The following GRK3 variants were observed in gnomAD, a reference collection of about 807,000 sequenced individuals.
The protein encoded by GRK3 is G protein-coupled receptor kinase 3.
In GRK3, 54 loss-of-function variants were observed where a neutral mutation model predicts 95.7. That is an observed-to-expected ratio of 0.56 (90% CI 0.45 to 0.71). GRK3 has a LOEUF of 0.71. Ranked by LOEUF, GRK3 falls within the 30% of genes least tolerant of loss-of-function variation. The pLI, the probability that GRK3 is intolerant of heterozygous loss-of-function variation, is 0.00. For missense variants in GRK3, 649 were observed against 851.2 expected (o/e 0.76, Z 2.96); for synonymous variants, 281 against 290.8 (o/e 0.97, Z 0.34).
At chr22:25,622,840 A>G (rs2084596824) in intron 2 of GRK3, among the ~76,000 whole-genome samples, 2 of 152,218 alleles carry the variant, frequency 1.3e-5, no homozygotes, top group South Asian at 2.1e-4. Flanking sequence ...CTGAATAGGG[A>G]AGAGAAGACT....
chr22:25,641,283 A>G (rs2084740694), intron 2 of GRK3, among the ~76,000 whole-genome samples: 1 of 151,956 alleles, frequency 6.6e-6, no homozygotes, highest in Non-Finnish European at 1.5e-5. Flanking sequence ...TCATTCATTC[A>G]ACTCCCTCTT....
intron 13 of GRK3, among the ~76,000 whole-genome samples, chr22:25,696,280 G>A (rs1032386291): frequency 6.6e-6 from 1 of 152,068 alleles, no homozygotes; most frequent in Non-Finnish European, 1.5e-5. Flanking sequence ...ACACCTAGCC[G>A]GTAAACCCAT....
At chr22:25,622,699 G>T (rs1244409668) in intron 2 of GRK3, among the ~76,000 whole-genome samples, 1 of 152,198 alleles carries the variant, frequency 6.6e-6, no homozygotes, top group African/African-American at 2.4e-5. Flanking sequence ...ATCAGAGTGG[G>T]AGCATGGAAA....
At chr22:25,703,485 A>G (rs2085274077) in intron 13 of GRK3, 25 bp from the exon 14 acceptor site, 1 of 1,588,504 alleles carries the variant, frequency 6.3e-7, no homozygotes, top group Non-Finnish European at 8.6e-7. Flanking sequence ...CCATATTTTG[A>G]TAGAACAATT....
chr22:25,721,450 A>T lies in GRK3; in HGVS notation c.1905+53A>T, dbSNP rs551448207. On this transcript the variant is annotated intron_variant, in intron 20 of 20. Coordinates refer to ENST00000324198, the MANE Select transcript of GRK3 (RefSeq NM_005160.4). Reference sequence around the variant, plus strand: ...TGTTAGAATAATTAAATATTCAGCAAAGTTGACTGCCTGTCTATAAAACAT... The same window carrying T: ...TGTTAGAATAATTAAATATTCAGCATAGTTGACTGCCTGTCTATAAAACAT... The T allele has an allele frequency of 2.9e-3, 2,941 of 1,005,438 alleles. 50 individuals are homozygous for T. Among genetic ancestry groups the T allele is most frequent in the South Asian group, 0.026 (1,827 of 70,444 alleles). 62.3% of individuals were successfully genotyped at this position (1,005,438 alleles called of 1,614,324 possible). A position where few individuals can be genotyped will look rare whatever the true frequency, so the allele number is the denominator to read the frequency against.
chr22:25,612,225 A>G (rs1328557012), intron 2 of GRK3, among the ~76,000 whole-genome samples: 1 of 152,088 alleles, frequency 6.6e-6, no homozygotes. Flanking sequence ...TAGCTCTTAT[A>G]TCTTGGTCTG....
intron 14 of GRK3, among the ~76,000 whole-genome samples, chr22:25,703,872 A>G (rs575998043): frequency 6.6e-6 from 1 of 152,320 alleles, no homozygotes; most frequent in Admixed American, 6.5e-5. Context: ...AAAAGGAGAA[A>G]TTACTGAGAT....
At chr22:25,600,228 C>T (rs374216974) in intron 1 of GRK3, among the ~76,000 whole-genome samples, 8 of 150,628 alleles carry the variant, frequency 5.3e-5, no homozygotes, top group African/African-American at 1.5e-4. Flanking sequence ...CTCACTGCAA[C>T]GTCCGCCTCC....
intron 2 of GRK3, among the ~76,000 whole-genome samples, chr22:25,615,009 T>G (rs535741518): frequency 6.6e-6 from 1 of 152,266 alleles, no homozygotes; most frequent in East Asian, 1.9e-4. Context: ...ACTGAACAGT[T>G]GTTAAGTGTG....
rs1305011987 is a variant in GRK3, at chr22:25,728,695, C to T, written c.*6245C>T. On this transcript the variant is annotated 3_prime_UTR_variant, in exon 21 of 21. Coordinates refer to ENST00000324198, the MANE Select transcript of GRK3 (RefSeq NM_005160.4). ...AGAAACACTGCTTTTAAGAGTAGCA[C>T]ATTTGAGTGTGACTTTTTCCCCCCT... 6.6e-6 allele frequency: 1 copy of T among 152,176 alleles called. No individual in the cohort carries two copies. Among genetic ancestry groups the T allele is most frequent in the African/African-American group, 2.4e-5 (1 of 41,430 alleles). 9.4% of individuals were successfully genotyped at this position (152,176 alleles called of 1,614,324 possible). A position where few individuals can be genotyped will look rare whatever the true frequency, so the allele number is the denominator to read the frequency against.
intron 10 of GRK3, among the ~76,000 whole-genome samples, 181 bp downstream of exon 10, chr22:25,685,429 T>G (rs986313170): frequency 1.3e-5 from 2 of 152,232 alleles, no homozygotes; most frequent in African/African-American, 4.8e-5. Flanking sequence ...CAATGTTGAC[T>G]GCAACGTCCT....
intron 1 of GRK3, among the ~76,000 whole-genome samples, chr22:25,571,675 A>G (rs1364239502): frequency 6.6e-6 from 1 of 151,922 alleles, no homozygotes; most frequent in African/African-American, 2.4e-5. Flanking sequence ...GGGAGGAGGG[A>G]GTGGGTTTGG....
At chr22:25,588,684 G>A (rs1191261904) in intron 1 of GRK3, among the ~76,000 whole-genome samples, 1 of 152,058 alleles carries the variant, frequency 6.6e-6, no homozygotes, top group Admixed American at 6.5e-5. Flanking sequence ...ATCTTGATAT[G>A]ATTGTGTGGT....
intron 15 of GRK3, among the ~76,000 whole-genome samples, chr22:25,709,613 T>C (rs966987260): frequency 3.9e-5 from 6 of 152,258 alleles, no homozygotes; most frequent in East Asian, 1.9e-4. Context: ...TGTGTGTGTG[T>C]GCGTGTGTAT....
At chr22:25,588,928 T>A (rs1456735580) in intron 1 of GRK3, among the ~76,000 whole-genome samples, 1 of 152,036 alleles carries the variant, frequency 6.6e-6, no homozygotes, top group Non-Finnish European at 1.5e-5. Context: ...GCCACCATCT[T>A]GGCTAGCTTT....
At chr22:25,716,043 G>A (rs1376755504) in intron 18 of GRK3, among the ~76,000 whole-genome samples, 1 of 152,124 alleles carries the variant, frequency 6.6e-6, no homozygotes, top group African/African-American at 2.4e-5. Context: ...TTGGAGTGCA[G>A]TGGCGCGATC....
intron 1 of GRK3, among the ~76,000 whole-genome samples, chr22:25,572,164 A>C (rs1045438698): frequency 6.6e-6 from 1 of 152,122 alleles, no homozygotes; most frequent in African/African-American, 2.4e-5. Context: ...AGCTTCATCT[A>C]TGTCCCTACA....
intron 17 of GRK3, among the ~76,000 whole-genome samples, chr22:25,711,660 A>G (rs572350857): frequency 1.3e-5 from 2 of 152,164 alleles, no homozygotes; most frequent in East Asian, 3.9e-4. Flanking sequence ...TCCCCCAAGT[A>G]GAGACAAGAC....
chr22:25,670,207 C>G (rs1011016711), intron 6 of GRK3, among the ~76,000 whole-genome samples: 5 of 152,078 alleles, frequency 3.3e-5, no homozygotes, highest in Non-Finnish European at 4.4e-5. Flanking sequence ...TTTAAAAGGT[C>G]TATTGGTCGG....
Sources: allele counts gnomAD v4.1 joint callset (sites outside exome capture counted in the v4.1 genomes callset), GRCh38; gene constraint gnomAD v4.1.1; transcripts MANE v1.5; gene names NCBI Gene and HGNC (gene_info 2026-07-23, HGNC 2026-07-21).